Variants in PYROXD2 observed in about 807,000 individuals in gnomAD.
PYROXD2 encodes pyridine nucleotide-disulphide oxidoreductase domain 2.
PYROXD2 carries 69 observed loss-of-function variants against 71.1 expected under a neutral mutation model. That is an observed-to-expected ratio of 0.97 (90% CI 0.80 to 1.19). The LOEUF is 1.19. Ranked by LOEUF, PYROXD2 falls within the 50% of genes most tolerant of loss-of-function variation. PYROXD2 has a pLI of 0.00. For synonymous variants in PYROXD2, 287 were observed against 302.7 expected (o/e 0.95, Z 0.54); for missense variants, 745 against 748.9 (o/e 0.99, Z 0.06).
chr10:98,400,871 G>A (rs1232133030), intron 4 of PYROXD2, among the ~76,000 whole-genome samples: 2 of 152,234 alleles, frequency 1.3e-5, no homozygotes, highest in Non-Finnish European at 2.9e-5. Context: ...CACATAGGCT[G>A]TGGGGTGTAG....
In PYROXD2 at chr10:98,383,815, C is replaced by A. The variant is rs143144580; in HGVS notation, c.1729G>T (p.Asp577Tyr). The change falls in exon 16 of 16, where the codon GAC becomes TAC. Residue 577 changes from aspartate to tyrosine, a missense_variant. Physicochemically the swap from Asp to Tyr is radical, Grantham distance 160. Transcript: ENST00000370575. ...GRNAAHVAFR[D>Y]LKSM ...GTTCAGGGTCACATGCTCTTGAGGT[C>A]CCTAAAGGCCACATGTGCTGCATTT... The A allele has an allele frequency of 1.2e-4, 192 of 1,614,062 alleles. No homozygotes were observed. In the African/African-American group the frequency reaches 2.3e-3, roughly 20 times the overall value.
chr10:98,392,984 T>C lies in PYROXD2; in HGVS notation c.885A>G (p.Ala295=). The part of the protein sequence containing the change: ...GGMGALSDAI[A]SSATTHGASI... ...TTGCTCCATGTGTGGTGGCTGAGCT[T>C]GCGATCGCATCAGAGAGGGCACCCA... is the stretch of plus-strand genomic sequence containing the variant. Residue 295 remains alanine, a synonymous_variant, in exon 9 of 16, where the codon GCA becomes GCG. Coordinates refer to ENST00000370575, the MANE Select transcript of PYROXD2 (RefSeq NM_032709.3). 5.0e-6 allele frequency: 8 copies of C among 1,613,898 alleles called. No individual in the cohort carries two copies. Among genetic ancestry groups the C allele is most frequent in the African/African-American group, 1.3e-5 (1 of 75,026 alleles).
chr10:98,408,987 C>A (rs1843700591), intron 2 of PYROXD2, among the ~76,000 whole-genome samples: 1 of 152,154 alleles, frequency 6.6e-6, no homozygotes, highest in Non-Finnish European at 1.5e-5. Flanking sequence ...GGAATTGAAA[C>A]CAGACAGCGT....
intron 14 of PYROXD2, among the ~76,000 whole-genome samples, chr10:98,385,902 A>G (rs962925481): frequency 1.2e-4 from 18 of 152,110 alleles, no homozygotes; most frequent in African/African-American, 4.1e-4. Context: ...TCTTTCCTCT[A>G]TACCTGGACC....
intron 1 of PYROXD2, among the ~76,000 whole-genome samples, chr10:98,412,939 G>A (rs1224567303): frequency 2.0e-5 from 3 of 152,172 alleles, no homozygotes; most frequent in Non-Finnish European, 4.4e-5. Flanking sequence ...AGCCCGGGGA[G>A]TTTGTGAGCC....
chr10:98,398,109 C>G (rs1180711107), intron 5 of PYROXD2, among the ~76,000 whole-genome samples: 1 of 152,176 alleles, frequency 6.6e-6, no homozygotes, highest in Admixed American at 6.5e-5. Flanking sequence ...TCAAGAACTT[C>G]TGACCTCAAG....
chr10:98,402,283 G>C (rs1843439647), intron 4 of PYROXD2, among the ~76,000 whole-genome samples: 1 of 152,158 alleles, frequency 6.6e-6, no homozygotes, highest in Non-Finnish European at 1.5e-5. Flanking sequence ...AGGTAGGTCT[G>C]GGTTTCAAAA....
chr10:98,394,778 G>A (rs1474927533), intron 8 of PYROXD2, among the ~76,000 whole-genome samples: 2 of 152,124 alleles, frequency 1.3e-5, no homozygotes, highest in Non-Finnish European at 2.9e-5. Context: ...AGAGAGAAGG[G>A]AGAATGGGCG....
At chr10:98,404,569 C>A (rs1356548926) in intron 4 of PYROXD2, among the ~76,000 whole-genome samples, 5 of 151,778 alleles carry the variant, frequency 3.3e-5, no homozygotes, top group African/African-American at 9.7e-5. Context: ...AGAAAAAAAA[C>A]CCAAAAAAAC....
chr10:98,384,275 C>CTTGGAA (rs2135904758), intron 15 of PYROXD2, among the ~76,000 whole-genome samples: 1 of 152,220 alleles, frequency 6.6e-6, no homozygotes, highest in South Asian at 2.1e-4. Flanking sequence ...CTCCGTTAGG[C>CTTGGAA]TTGGAATGCG....
intron 9 of PYROXD2, 88 bp downstream of exon 9, chr10:98,392,854 G>T: frequency 6.9e-7 from 1 of 1,443,826 alleles, no homozygotes; most frequent in Non-Finnish European, 9.6e-7. Flanking sequence ...TCTGTTCATT[G>T]GTAAAACAAG....
At chr10:98,391,331 A>C (rs955932989) in intron 10 of PYROXD2, among the ~76,000 whole-genome samples, 1 of 152,200 alleles carries the variant, frequency 6.6e-6, no homozygotes, top group African/African-American at 2.4e-5. Flanking sequence ...CCCTGCTTGC[A>C]AAGGGGTCAG....
chr10:98,390,994 G>T lies in PYROXD2; in HGVS notation c.1135+16C>A. The T allele has an allele frequency of 6.3e-7, 1 of 1,595,840 alleles. No individual in the cohort carries two copies. Among genetic ancestry groups the T allele is most frequent in the Non-Finnish European group, 8.6e-7 (1 of 1,163,472 alleles). ...GGGTCAAAGGAGACAGTGCTGCAAT[G>T]TGGTGTGCCTCTTACCATTGATCTT... On this transcript the variant is annotated intron_variant, in intron 11 of 15. Transcript: ENST00000370575.
chr10:98,409,170 A>G (rs946803898), intron 2 of PYROXD2, among the ~76,000 whole-genome samples: 2 of 152,232 alleles, frequency 1.3e-5, no homozygotes, highest in Non-Finnish European at 2.9e-5. Context: ...CTATGAGACT[A>G]TGATAAAATG....
rs760035937 is a variant in PYROXD2, at chr10:98,415,130, A to G, written c.6T>C (p.Ala2=). The G allele has an allele frequency of 1.5e-5, 24 of 1,612,862 alleles. No homozygotes were observed. Among genetic ancestry groups the G allele is most frequent in the Non-Finnish European group, 1.9e-5 (22 of 1,179,564 alleles). ...CCTTGCAGAGACCTCGGCCACTTGC[A>G]GCCATTTCTGCCCCAGGCTGGGCCT... is the stretch of plus-strand genomic sequence containing the variant. M[A]ASGRGLCKAV... The change falls in exon 1 of 16, where the codon GCT becomes GCC. Residue 2 remains alanine (A), a synonymous_variant. Transcript: ENST00000370575.
At chr10:98,388,888 CCTGA>C (rs1219601433) in intron 12 of PYROXD2, among the ~76,000 whole-genome samples, 4 of 152,104 alleles carry the variant, frequency 2.6e-5, no homozygotes, top group Non-Finnish European at 2.9e-5. Flanking sequence ...GCTTTAGTGG[CCTGA>C]CTGTCTTTTC....
chr10:98,399,688 A>G (rs1843322030), intron 5 of PYROXD2, among the ~76,000 whole-genome samples: 1 of 152,078 alleles, frequency 6.6e-6, no homozygotes, highest in Non-Finnish European at 1.5e-5. Flanking sequence ...TTTATCCTTA[A>G]TTTTCTCTGA....
intron 4 of PYROXD2, 61 bp from the exon 5 acceptor site, chr10:98,400,318 T>A (rs971926551): frequency 1.3e-6 from 2 of 1,498,648 alleles, no homozygotes; most frequent in Non-Finnish European, 1.8e-6. Flanking sequence ...GCCCATCATC[T>A]TTCTCCGATT....
intron 4 of PYROXD2, among the ~76,000 whole-genome samples, chr10:98,405,154 T>C (rs927991282): frequency 6.6e-6 from 1 of 152,190 alleles, no homozygotes; most frequent in African/African-American, 2.4e-5. Context: ...CTGGATTCCA[T>C]CATCCAGCGC....
Sources: allele counts gnomAD v4.1 joint callset (sites outside exome capture counted in the v4.1 genomes callset), GRCh38; gene constraint gnomAD v4.1.1; transcripts MANE v1.5; gene names NCBI Gene and HGNC (gene_info 2026-07-23, HGNC 2026-07-21).